The following ZBTB8A variants were observed in gnomAD, a reference collection of about 807,000 sequenced individuals.
ZBTB8A encodes the protein zinc finger and BTB domain containing 8A.
Under a neutral mutation model 37.8 loss-of-function variants are expected in ZBTB8A, and 19 were observed. The observed-to-expected ratio is 0.50, with a 90% CI of 0.35 to 0.74. ZBTB8A has a LOEUF of 0.74. Among genes scored for constraint, ZBTB8A ranks in the 30% least tolerant of loss-of-function variants. ZBTB8A has a pLI of 0.01. For missense variants in ZBTB8A, 394 were observed against 537.8 expected (o/e 0.73, Z 2.65); for synonymous variants, 181 against 185.2 (o/e 0.98, Z 0.19).
At chr1:32,562,858 C>T (rs916504807) in intron 2 of ZBTB8A, among the ~76,000 whole-genome samples, 1 of 151,812 alleles carries the variant, frequency 6.6e-6, no homozygotes, top group Non-Finnish European at 1.5e-5. Context: ...GCTAGGATTA[C>T]AGGCATGAGC....
chr1:32,581,127 C>A lies in ZBTB8A; in HGVS notation c.-1-11804C>A, dbSNP rs59334926. ...TATATATAATATATAATATATATAA[C>A]TATATTATATATATTTATATATATT... On this transcript the variant is annotated intron_variant, in intron 2 of 4. Coordinates refer to ENST00000373510, the MANE Select transcript of ZBTB8A (RefSeq NM_001040441.3). Among the ~76,000 whole-genome samples, 98 of 14,474 alleles carry A rather than the reference C, an allele frequency of 6.8e-3. 1 individual carries two copies. Among genetic ancestry groups the A allele is most frequent in the African/African-American group, 0.021 (83 of 3,988 alleles). 9.5% of individuals were successfully genotyped at this position (14,474 alleles called of 152,430 possible).
At chr1:32,592,842 C>A in intron 2 of ZBTB8A, 89 bp from the exon 3 acceptor site, 1 of 1,114,562 alleles carries the variant, frequency 9.0e-7, no homozygotes, top group Non-Finnish European at 1.3e-6. Context: ...GCACTGCAGC[C>A]TGGGCCACAG....
intron 1 of ZBTB8A, among the ~76,000 whole-genome samples, chr1:32,546,720 C>A (rs1024379295): frequency 6.6e-6 from 1 of 152,132 alleles, no homozygotes; most frequent in African/African-American, 2.4e-5. Flanking sequence ...TGTTTTCTTT[C>A]GGCTGTTTTT....
chr1:32,552,858 T>C (rs1022907037), intron 1 of ZBTB8A, among the ~76,000 whole-genome samples: 1 of 149,246 alleles, frequency 6.7e-6, no homozygotes, highest in Non-Finnish European at 1.5e-5. Context: ...AGCCAAATGA[T>C]CATTCTATTA....
intron 2 of ZBTB8A, among the ~76,000 whole-genome samples, chr1:32,559,760 T>A (rs746584104): frequency 6.6e-6 from 1 of 152,108 alleles, no homozygotes; most frequent in Non-Finnish European, 1.5e-5. Context: ...CCACTATGCG[T>A]GGCACAATGT....
intron 3 of ZBTB8A, 75 bp downstream of exon 3, chr1:32,593,829 C>G: frequency 3.4e-6 from 4 of 1,179,072 alleles, no homozygotes; most frequent in Non-Finnish European, 4.8e-6. Flanking sequence ...TCAAAACACC[C>G]TTAGTTTCAG....
At chr1:32,554,072 C>T (rs1010183094) in intron 2 of ZBTB8A, among the ~76,000 whole-genome samples, 11 of 150,776 alleles carry the variant, frequency 7.3e-5, no homozygotes, top group East Asian at 3.9e-4. Flanking sequence ...TGGTGCTGGG[C>T]GCCTATAATC....
At chr1:32,572,817 T>C (rs946986076) in intron 2 of ZBTB8A, among the ~76,000 whole-genome samples, 2 of 152,090 alleles carry the variant, frequency 1.3e-5, no homozygotes, top group African/African-American at 4.8e-5. Context: ...GTTTGTAAAA[T>C]CTGTAGTGAT....
intron 2 of ZBTB8A, among the ~76,000 whole-genome samples, chr1:32,586,029 G>T (rs893846213): frequency 2.1e-5 from 3 of 143,534 alleles, no homozygotes; most frequent in Non-Finnish European, 4.6e-5. Context: ...AAAAAAGAAC[G>T]ATTTCTGGCC....
At chr1:32,588,750 G>A (rs142609042) in intron 2 of ZBTB8A, among the ~76,000 whole-genome samples, 2,249 of 152,136 alleles carry the variant, frequency 0.015, 26 homozygotes, top group Non-Finnish European at 0.023. Context: ...TTGGGAGGCC[G>A]AGGCAGGCAG....
chr1:32,576,587 C>A (rs562760677), intron 2 of ZBTB8A, among the ~76,000 whole-genome samples: 1 of 152,284 alleles, frequency 6.6e-6, no homozygotes, highest in South Asian at 2.1e-4. Flanking sequence ...CACCACCATG[C>A]CTGGCTAATT....
At chr1:32,557,041 C>A (rs371938359) in intron 2 of ZBTB8A, among the ~76,000 whole-genome samples, 23 of 152,284 alleles carry the variant, frequency 1.5e-4, no homozygotes, top group African/African-American at 5.5e-4. Flanking sequence ...GTGGCTCACA[C>A]CTGTAATCCC....
chr1:32,587,723 C>A (rs1644459801), intron 2 of ZBTB8A, among the ~76,000 whole-genome samples: 1 of 152,036 alleles, frequency 6.6e-6, no homozygotes, highest in African/African-American at 2.4e-5. Flanking sequence ...CTTAGAATCT[C>A]CAAAGTGATA....
intron 4 of ZBTB8A, among the ~76,000 whole-genome samples, chr1:32,599,587 C>T (rs188643855): frequency 4.1e-4 from 62 of 152,010 alleles, no homozygotes; most frequent in South Asian, 1.0e-3. Context: ...CGTGGTGGCA[C>T]GTGCCTGTAA....
chr1:32,547,552 A>G (rs1206568999), intron 1 of ZBTB8A, among the ~76,000 whole-genome samples: 3 of 146,306 alleles, frequency 2.1e-5, no homozygotes, highest in Non-Finnish European at 3.0e-5. Flanking sequence ...TAGGTTGCAA[A>G]TCTTATTTTA....
chr1:32,583,916 G>A (rs1402807479), intron 2 of ZBTB8A, among the ~76,000 whole-genome samples: 4 of 152,058 alleles, frequency 2.6e-5, no homozygotes, highest in African/African-American at 7.2e-5. Context: ...GCTCCTTTTC[G>A]TATTTTTAGT....
chr1:32,578,665 A>G (rs1182268073), intron 2 of ZBTB8A, among the ~76,000 whole-genome samples: 1 of 151,732 alleles, frequency 6.6e-6, no homozygotes, highest in Non-Finnish European at 1.5e-5. Flanking sequence ...CTATTGACGA[A>G]TTTTTCCTTC....
chr1:32,555,351 T>G (rs2148220407), intron 2 of ZBTB8A, among the ~76,000 whole-genome samples: 1 of 152,202 alleles, frequency 6.6e-6, no homozygotes, highest in South Asian at 2.1e-4. Flanking sequence ...ACGGTGCCAC[T>G]GCACTCCAGC....
At chr1:32,575,291 A>G (rs1644351691) in intron 2 of ZBTB8A, among the ~76,000 whole-genome samples, 1 of 146,128 alleles carries the variant, frequency 6.8e-6, no homozygotes, top group African/African-American at 2.6e-5. Context: ...CAGTGGCACA[A>G]TGTCAGCTCA....
Sources: gnomAD v4.1 joint callset for allele counts (sites outside exome capture counted in the v4.1 genomes callset) on GRCh38, gnomAD v4.1.1 for gene constraint, MANE v1.5 for transcripts, NCBI Gene and HGNC (gene_info 2026-07-23, HGNC 2026-07-21) for gene names.